The following DGKB variants were observed in gnomAD, a reference collection of about 807,000 sequenced individuals.
DGKB encodes the protein diacylglycerol kinase beta, also known as 90 kDa diacylglycerol kinase.
DGKB carries 67 observed loss-of-function variants against 114.3 expected under a neutral mutation model. That is an observed-to-expected ratio of 0.59 (90% CI 0.48 to 0.72). The LOEUF (loss-of-function observed/expected upper bound fraction) is 0.72. Among genes scored for constraint, DGKB ranks in the 30% least tolerant of loss-of-function variants. The pLI, the probability that DGKB is intolerant of heterozygous loss-of-function variation, is 0.00. For synonymous variants in DGKB, 398 were observed against 323.1 expected (o/e 1.23, Z -2.49); for missense variants, 907 against 975.2 (o/e 0.93, Z 0.93).
chr7:14,766,425 T>G (rs913487351), intron 2 of DGKB, among the ~76,000 whole-genome samples: 4 of 151,840 alleles, frequency 2.6e-5, no homozygotes, highest in Non-Finnish European at 5.9e-5. Context: ...GTGACAGTAA[T>G]GTGTCAAGAG....
At chr7:14,604,927 CA>C (rs756720794) in intron 17 of DGKB, among the ~76,000 whole-genome samples, 3 of 152,090 alleles carry the variant, frequency 2.0e-5, no homozygotes, top group Non-Finnish European at 4.4e-5. Context: ...GTATCAGAGG[CA>C]AACAGGACAT....
intron 4 of DGKB, among the ~76,000 whole-genome samples, chr7:14,743,794 T>C (rs191517843): frequency 6.6e-6 from 1 of 152,330 alleles, no homozygotes; most frequent in Non-Finnish European, 1.5e-5. Flanking sequence ...TTTCTGACTG[T>C]AACTACCCTG....
At chr7:14,706,586 T>A in intron 6 of DGKB, among the ~76,000 whole-genome samples, 2 of 112,116 alleles carry the variant, frequency 1.8e-5, no homozygotes, top group Non-Finnish European at 3.6e-5. Context: ...CCTCAGCAAA[T>A]GTAAAAGAAC....
chr7:14,327,884 T>G (rs1344117045), intron 23 of DGKB, among the ~76,000 whole-genome samples: 7 of 152,128 alleles, frequency 4.6e-5, no homozygotes, highest in African/African-American at 1.7e-4. Flanking sequence ...ACTAGAGAAA[T>G]GTATAAGTAG....
At chr7:14,887,436 C>G (rs868017802) in intron 1 of DGKB, among the ~76,000 whole-genome samples, 35 of 151,886 alleles carry the variant, frequency 2.3e-4, no homozygotes, top group Admixed American at 3.9e-4. Flanking sequence ...TTGGTTTACT[C>G]CAAGGCTTAG....
At chr7:14,440,512 G>A (rs1038239236) in intron 21 of DGKB, among the ~76,000 whole-genome samples, 4 of 152,064 alleles carry the variant, frequency 2.6e-5, no homozygotes, top group Non-Finnish European at 4.4e-5. Flanking sequence ...TTTGTAGTCT[G>A]TTCTTTTAAA....
intron 13 of DGKB, among the ~76,000 whole-genome samples, chr7:14,635,798 C>T (rs945509290): frequency 1.3e-5 from 2 of 151,418 alleles, no homozygotes; most frequent in African/African-American, 4.8e-5. Context: ...CTGATACATA[C>T]AAATTTTATG....
chr7:14,696,685 T>A (rs1453075152), intron 8 of DGKB, among the ~76,000 whole-genome samples: 1 of 152,064 alleles, frequency 6.6e-6, no homozygotes, highest in Non-Finnish European at 1.5e-5. Flanking sequence ...TAATCAGAAA[T>A]TCCTGGCTTT....
At chr7:14,289,010 A>T (rs1396049444) in intron 23 of DGKB, among the ~76,000 whole-genome samples, 1 of 152,230 alleles carries the variant, frequency 6.6e-6, no homozygotes. Context: ...GTTTTGGAAT[A>T]CTGTTTGTAG....
At chr7:14,518,604 T>C (rs796241419) in intron 20 of DGKB, among the ~76,000 whole-genome samples, 4 of 152,108 alleles carry the variant, frequency 2.6e-5, no homozygotes, top group African/African-American at 9.6e-5. Flanking sequence ...AAAAAATAAG[T>C]TTTTGGCTTC....
chr7:14,961,476 C>T (rs1786840076), intron 1 of DGKB, among the ~76,000 whole-genome samples: 1 of 152,068 alleles, frequency 6.6e-6, no homozygotes, highest in Non-Finnish European at 1.5e-5. Context: ...ATGTGGCTGA[C>T]ATGTGGCAGT....
intron 23 of DGKB, among the ~76,000 whole-genome samples, chr7:14,220,532 A>G (rs909087980): frequency 1.3e-5 from 2 of 151,296 alleles, no homozygotes; most frequent in African/African-American, 4.8e-5. Context: ...CATGGTTTGT[A>G]CTCCTTTTTC....
At chr7:14,344,133 G>T (rs757668776) in intron 22 of DGKB, among the ~76,000 whole-genome samples, 16 of 150,644 alleles carry the variant, frequency 1.1e-4, no homozygotes, top group Non-Finnish European at 2.2e-4. Flanking sequence ...CATATACACA[G>T]ATATATCATC....
chr7:14,633,387 A>T (rs10250258), intron 13 of DGKB, among the ~76,000 whole-genome samples: 39,245 of 151,758 alleles, frequency 0.26, 5,963 homozygotes, highest in East Asian at 0.59. Flanking sequence ...TGAGAGCAAC[A>T]CTAGAAATTT....
intron 1 of DGKB, among the ~76,000 whole-genome samples, chr7:14,927,683 T>G (rs1420162555): frequency 6.6e-6 from 1 of 152,002 alleles, no homozygotes; most frequent in Non-Finnish European, 1.5e-5. Context: ...CAATTACCAT[T>G]TCCTCATTTT....
At chr7:14,355,093 C>G (rs944062322) in intron 21 of DGKB, among the ~76,000 whole-genome samples, 1 of 152,028 alleles carries the variant, frequency 6.6e-6, no homozygotes, top group African/African-American at 2.4e-5. Context: ...GCTTGTTCCC[C>G]CATCCTCTTT....
intron 23 of DGKB, among the ~76,000 whole-genome samples, chr7:14,259,726 A>AAAGTC (rs1796485470): frequency 6.6e-6 from 1 of 152,134 alleles, no homozygotes; most frequent in Non-Finnish European, 1.5e-5. Context: ...GTGCCCAGCC[A>AAAGTC]AAGTCAATGT....
intron 20 of DGKB, among the ~76,000 whole-genome samples, chr7:14,537,206 T>C (rs909303107): frequency 4.6e-5 from 7 of 152,126 alleles, no homozygotes; most frequent in African/African-American, 1.4e-4. Flanking sequence ...TGAGTATGGA[T>C]TGGAAAATTT....
chr7:14,833,251 T>C (rs1846668746), intron 2 of DGKB, among the ~76,000 whole-genome samples: 1 of 152,152 alleles, frequency 6.6e-6, no homozygotes, highest in African/African-American at 2.4e-5. Context: ...TCATCAAAGA[T>C]ACAATTTATT....
Sources: gnomAD v4.1 joint callset for allele counts (sites outside exome capture counted in the v4.1 genomes callset) on GRCh38, gnomAD v4.1.1 for gene constraint, MANE v1.5 for transcripts, NCBI Gene and HGNC (gene_info 2026-07-23, HGNC 2026-07-21) for gene names.